Variants in HIBADH observed in about 807,000 individuals in gnomAD.
HIBADH encodes the protein 3-hydroxyisobutyrate dehydrogenase, also known as 3-hydroxyisobutyrate dehydrogenase, mitochondrial.
HIBADH carries 25 observed loss-of-function variants against 36.1 expected under a neutral mutation model. The ratio of observed to expected loss-of-function variants is 0.69; its 90% CI spans 0.50 to 0.97. HIBADH has a LOEUF of 0.97. HIBADH is among the 50% of genes least tolerant of loss of function. The pLI is 0.00. For missense variants in HIBADH, 421 were observed against 418.0 expected (o/e 1.01, Z -0.06); for synonymous variants, 160 against 149.5 (o/e 1.07, Z -0.51).
At chr7:27,599,380 T>C (rs1290694559) in intron 4 of HIBADH, among the ~76,000 whole-genome samples, 1 of 152,204 alleles carries the variant, frequency 6.6e-6, no homozygotes, top group African/African-American at 2.4e-5. Context: ...TTTCAATTTT[T>C]AATTAGTTTT....
chr7:27,606,962 C>T (rs530169163), intron 4 of HIBADH, among the ~76,000 whole-genome samples: 42 of 152,274 alleles, frequency 2.8e-4, no homozygotes, highest in Non-Finnish European at 5.3e-4. Flanking sequence ...CTGGCACCCC[C>T]ACCCCCTAAC....
At chr7:27,650,663 T>G (rs1786170929) in intron 1 of HIBADH, among the ~76,000 whole-genome samples, 1 of 150,882 alleles carries the variant, frequency 6.6e-6, no homozygotes, top group Non-Finnish European at 1.5e-5. Context: ...TGGCTAATTT[T>G]TGTCCTTTTA....
intron 1 of HIBADH, among the ~76,000 whole-genome samples, chr7:27,653,396 C>T (rs1464016718): frequency 6.6e-6 from 1 of 152,156 alleles, no homozygotes; most frequent in Non-Finnish European, 1.5e-5. Context: ...CCCAGGGTAA[C>T]TATGAACTGT....
At chr7:27,547,897 C>A (rs1324583914) in intron 4 of HIBADH, among the ~76,000 whole-genome samples, 2 of 152,104 alleles carry the variant, frequency 1.3e-5, no homozygotes, top group African/African-American at 4.8e-5. Context: ...ACTACATTAA[C>A]TCTAAAAAGC....
chr7:27,644,460 C>A (rs908058412), intron 2 of HIBADH, among the ~76,000 whole-genome samples: 1 of 151,890 alleles, frequency 6.6e-6, no homozygotes, highest in African/African-American at 2.4e-5. Flanking sequence ...ATTAGACAGG[C>A]GTGGTGACAT....
chr7:27,548,196 T>TAAAAAATAAAA (rs1784262491), intron 4 of HIBADH, among the ~76,000 whole-genome samples: 1 of 144,214 alleles, frequency 6.9e-6, no homozygotes. Flanking sequence ...CTCTCTCTCT[T>TAAAAAATAAAA]AAAAAAAAAA....
At position 27,649,636 on chromosome 7, in the gene HIBADH, G is replaced by T; in HGVS notation, c.92-3C>A. On this transcript the variant is annotated splice_polypyrimidine_tract_variant and splice_region_variant and intron_variant, in intron 1 of 7. Transcript: ENST00000265395. ...TGAAGCCACTGACCTAGAACACACT[G>T]ATTTCAATACATTATTTTCAATAGG... 6.3e-7 allele frequency: 1 copy of T among 1,582,428 alleles called. No homozygotes were observed. The highest frequency in any genetic ancestry group is 8.6e-7 in the Non-Finnish European group (1 of 1,163,666).
chr7:27,637,240 T>A (rs764902658), intron 2 of HIBADH, among the ~76,000 whole-genome samples: 9 of 152,216 alleles, frequency 5.9e-5, no homozygotes, highest in Non-Finnish European at 1.0e-4. Context: ...AAAGGTTAAG[T>A]AATCTGAAGT....
chr7:27,657,137 A>G (rs1221614515), intron 1 of HIBADH, among the ~76,000 whole-genome samples: 3 of 151,894 alleles, frequency 2.0e-5, no homozygotes, highest in African/African-American at 4.9e-5. Context: ...CATTGTATCT[A>G]ATCAGCAAAC....
At chr7:27,546,227 C>T (rs530513272) in intron 4 of HIBADH, among the ~76,000 whole-genome samples, 37 of 152,178 alleles carry the variant, frequency 2.4e-4, no homozygotes, top group African/African-American at 7.7e-4. Flanking sequence ...CTCAGCCTTT[C>T]GAGTAGCTCG....
At chr7:27,650,435 G>C (rs1786162974) in intron 1 of HIBADH, among the ~76,000 whole-genome samples, 1 of 151,018 alleles carries the variant, frequency 6.6e-6, no homozygotes, top group Non-Finnish European at 1.5e-5. Context: ...TGAACTTTCA[G>C]AAAAGAGAGA....
In HIBADH at chr7:27,533,370, A is replaced by C. The variant is rs555670802; in HGVS notation, c.696-2022T>G. On this transcript the variant is annotated intron_variant, in intron 6 of 7. Coordinates refer to ENST00000265395, the MANE Select transcript of HIBADH (RefSeq NM_152740.4). ...AGAAGCATCCTGAGGGGCACACACA[A>C]AAAATCAGGTGGCAGTTGTTTCATT... Among the ~76,000 whole-genome samples, 8 of 152,256 alleles carry C rather than the reference A, an allele frequency of 5.3e-5. No homozygotes were observed. In the South Asian group the frequency reaches 1.0e-3, roughly 20 times the overall value.
At chr7:27,544,002 G>A (rs1012758164) in intron 4 of HIBADH, among the ~76,000 whole-genome samples, 1 of 152,174 alleles carries the variant, frequency 6.6e-6, no homozygotes, top group East Asian at 1.9e-4. Context: ...AATATTGAAA[G>A]AAATCTTGAT....
At chr7:27,607,483 T>A (rs1401037723) in intron 4 of HIBADH, among the ~76,000 whole-genome samples, 1 of 152,102 alleles carries the variant, frequency 6.6e-6, no homozygotes, top group East Asian at 1.9e-4. Flanking sequence ...AACTCCAGCC[T>A]GGGCAGCAGA....
chr7:27,623,990 GTTTCACA>G (rs1241655545), intron 4 of HIBADH, among the ~76,000 whole-genome samples: 3 of 152,148 alleles, frequency 2.0e-5, no homozygotes, highest in Admixed American at 2.0e-4. Context: ...GTAGAGACAG[GTTTCACA>G]TTGTTGCCCA....
chr7:27,565,015 A>G (rs1317739947), intron 4 of HIBADH, among the ~76,000 whole-genome samples: 1 of 152,230 alleles, frequency 6.6e-6, no homozygotes, highest in East Asian at 1.9e-4. Context: ...ATTCCTAGAG[A>G]GAGTAAAAGA....
At chr7:27,590,233 T>C (rs1184801644) in intron 4 of HIBADH, among the ~76,000 whole-genome samples, 1 of 152,172 alleles carries the variant, frequency 6.6e-6, no homozygotes, top group African/African-American at 2.4e-5. Flanking sequence ...CCATCACTTT[T>C]ATTTACACCC....
rs146743154 is a variant in HIBADH, at chr7:27,577,381, T to A, written c.485-34281A>T. Among the ~76,000 whole-genome samples, 1,355 of 152,266 alleles carry A rather than the reference T, an allele frequency of 8.9e-3. 20 individuals are homozygous for A. Among genetic ancestry groups the A allele is most frequent in the African/African-American group, 0.031 (1,288 of 41,538 alleles). On this transcript the variant is annotated intron_variant, in intron 4 of 7. Transcript: ENST00000265395. The stretch of plus-strand genomic sequence containing the variant: ...TTTCTCCATGTTGGCCATGCTGGTC[T>A]TGAACTCCTGACCTCAGGTGATCTG...
chr7:27,605,806 C>T (rs1785215200), intron 4 of HIBADH, among the ~76,000 whole-genome samples: 1 of 151,894 alleles, frequency 6.6e-6, no homozygotes, highest in South Asian at 2.1e-4. Context: ...AAAGTAAAAT[C>T]GTTATATCTT....
Sources: allele counts gnomAD v4.1 joint callset (sites outside exome capture counted in the v4.1 genomes callset), GRCh38; gene constraint gnomAD v4.1.1; transcripts MANE v1.5; gene names NCBI Gene and HGNC (gene_info 2026-07-23, HGNC 2026-07-21).